Variants in ESR1 observed in about 807,000 individuals in gnomAD.
The protein encoded by ESR1 is estrogen receptor 1.
Under a neutral mutation model 52.7 loss-of-function variants are expected in ESR1, and 12 were observed. The ratio of observed to expected loss-of-function variants is 0.23; its 90% confidence interval spans 0.15 to 0.37. The LOEUF (loss-of-function observed/expected upper bound fraction) is 0.37, where lower values mean the gene tolerates loss of function less well. Ranked by LOEUF, ESR1 falls within the 10% of genes least tolerant of loss-of-function variation. The pLI is 1.00. For missense variants in ESR1, 584 were observed against 779.7 expected (o/e 0.75, Z 2.99); for synonymous variants, 305 against 316.8 (o/e 0.96, Z 0.39).
intron 5 of ESR1, among the ~76,000 whole-genome samples, chr6:152,056,906 A>G (rs2047151944): frequency 1.3e-5 from 2 of 152,166 alleles, no homozygotes; most frequent in African/African-American, 4.8e-5. Flanking sequence ...TCTCAGCCTC[A>G]GGAGCACCTC....
intron 2 of ESR1, among the ~76,000 whole-genome samples, chr6:151,758,313 A>T (rs912601717): frequency 5.3e-5 from 8 of 152,194 alleles, no homozygotes; most frequent in Non-Finnish European, 1.0e-4. Context: ...CTTTTTATGT[A>T]TTTATTTAAT....
intron 1 of ESR1, among the ~76,000 whole-genome samples, chr6:151,670,494 C>G (rs1778010711): frequency 6.6e-6 from 1 of 152,142 alleles, no homozygotes; most frequent in South Asian, 2.1e-4. Flanking sequence ...ATGGTAGGAG[C>G]CCAGTTAAAC....
intron 2 of ESR1, among the ~76,000 whole-genome samples, chr6:151,860,372 T>C (rs1788647749): frequency 6.6e-6 from 1 of 152,176 alleles, no homozygotes; most frequent in Non-Finnish European, 1.5e-5. Flanking sequence ...GACTTGTTCA[T>C]GCTACATAAC....
intron 2 of ESR1, among the ~76,000 whole-genome samples, chr6:151,880,181 GTTTTTTT>G (rs71017515): frequency 3.4e-5 from 4 of 116,356 alleles, no homozygotes; most frequent in Non-Finnish European, 6.7e-5. Context: ...TTTTTGTTCT[GTTTTTTT>G]TTTTTTTTTT....
chr6:151,862,772 G>A (rs1467809070), intron 2 of ESR1, among the ~76,000 whole-genome samples: 1 of 152,154 alleles, frequency 6.6e-6, no homozygotes, highest in Non-Finnish European at 1.5e-5. Flanking sequence ...AAGAACTGTA[G>A]TAGTTTTCTC....
At chr6:151,725,666 G>T (rs542803680) in intron 2 of ESR1, among the ~76,000 whole-genome samples, 4 of 152,272 alleles carry the variant, frequency 2.6e-5, no homozygotes, top group African/African-American at 9.6e-5. Flanking sequence ...AGTAATTGTG[G>T]CAACATATTG....
At chr6:151,749,213 G>A (rs1301308773) in intron 2 of ESR1, among the ~76,000 whole-genome samples, 1 of 150,680 alleles carries the variant, frequency 6.6e-6, no homozygotes, top group Non-Finnish European at 1.5e-5. Context: ...AAAAAAGCTT[G>A]TGGAAAAGGG....
chr6:151,720,123 A>T (rs1433037967), intron 2 of ESR1, among the ~76,000 whole-genome samples: 1 of 152,220 alleles, frequency 6.6e-6, no homozygotes, highest in Non-Finnish European at 1.5e-5. Flanking sequence ...TAAGGTTACA[A>T]GATGATAAAT....
chr6:151,831,058 G>A (rs7775047), intron 1 of ESR1, among the ~76,000 whole-genome samples: 1 of 151,688 alleles, frequency 6.6e-6, no homozygotes, highest in Non-Finnish European at 1.5e-5. Flanking sequence ...AGTTCTTAAC[G>A]TTTGCATTAT....
In ESR1 at chr6:152,025,569, G is replaced by T. The variant is rs535214910; in HGVS notation, c.1235+13775G>T. Among the ~76,000 whole-genome samples the T allele has an allele frequency of 9.8e-4, 149 of 151,786 alleles. 1 individual carries two copies. The highest frequency in any genetic ancestry group is 3.4e-3 in the African/African-American group (139 of 41,482). ...CTGATGATGTTTAAAAAATTTCTCTGGTTTGATGGTTACTTTGACCGTATA... is the reference window on the plus strand; with the variant it reads ...CTGATGATGTTTAAAAAATTTCTCTTGTTTGATGGTTACTTTGACCGTATA... On this transcript the variant is annotated intron_variant, in intron 5 of 7. Coordinates refer to ENST00000206249, the MANE Select transcript of ESR1 (RefSeq NM_000125.4).
chr6:151,823,774 A>G (rs1181541077), intron 1 of ESR1, among the ~76,000 whole-genome samples: 2 of 152,166 alleles, frequency 1.3e-5, no homozygotes, highest in South Asian at 2.1e-4. Context: ...TTCCAGCTTC[A>G]TCCATGTCCC....
At chr6:151,671,490 T>A (rs566620406) in intron 1 of ESR1, among the ~76,000 whole-genome samples, 1 of 152,162 alleles carries the variant, frequency 6.6e-6, no homozygotes, top group East Asian at 1.9e-4. Context: ...GTTGAACTCG[T>A]AGACACAGAG....
At chr6:151,873,269 G>C (rs1425893357) in intron 2 of ESR1, among the ~76,000 whole-genome samples, 3 of 152,082 alleles carry the variant, frequency 2.0e-5, no homozygotes, top group South Asian at 2.1e-4. Context: ...CTTAAATCAG[G>C]CTTTTAAACT....
At chr6:151,713,644 C>T (rs952146078) in intron 2 of ESR1, among the ~76,000 whole-genome samples, 2 of 152,134 alleles carry the variant, frequency 1.3e-5, no homozygotes, top group African/African-American at 2.4e-5. Context: ...TTATAGTATT[C>T]TCTGATGGTA....
intron 5 of ESR1, 99 bp downstream of exon 5, chr6:152,011,893 C>A: frequency 7.5e-7 from 1 of 1,330,994 alleles, no homozygotes; most frequent in Non-Finnish European, 1.1e-6. Context: ...CTTCAGAGAA[C>A]TTTATTAGGT....
intron 3 of ESR1, among the ~76,000 whole-genome samples, chr6:151,905,458 T>C (rs1220366214): frequency 1.3e-5 from 2 of 152,140 alleles, no homozygotes; most frequent in Non-Finnish European, 2.9e-5. Context: ...GAAGAGCTGA[T>C]GATAATTGAG....
intron 2 of ESR1, among the ~76,000 whole-genome samples, chr6:151,718,002 C>A (rs1781179426): frequency 6.6e-6 from 1 of 152,130 alleles, no homozygotes; most frequent in African/African-American, 2.4e-5. Context: ...TTTCCTTATT[C>A]CTCACCATTT....
At chr6:151,777,607 T>C (rs1186809450) in intron 2 of ESR1, among the ~76,000 whole-genome samples, 1 of 152,056 alleles carries the variant, frequency 6.6e-6, no homozygotes, top group Non-Finnish European at 1.5e-5. Context: ...GAAATCACAA[T>C]AGAGAAACAG....
At chr6:151,777,408 C>T (rs755223298) in intron 2 of ESR1, among the ~76,000 whole-genome samples, 10 of 151,974 alleles carry the variant, frequency 6.6e-5, no homozygotes, top group African/African-American at 1.2e-4. Context: ...TGTGAGCCAC[C>T]GCACCTGGCC....
Sources: gnomAD v4.1 joint callset for allele counts (sites outside exome capture counted in the v4.1 genomes callset) on GRCh38, gnomAD v4.1.1 for gene constraint, MANE v1.5 for transcripts, NCBI Gene and HGNC (gene_info 2026-07-23, HGNC 2026-07-21) for gene names.